PDE11A: variants seen among roughly 807,000 people sequenced by gnomAD.
The protein encoded by PDE11A is phosphodiesterase 11A, also known as dual 3',5'-cyclic-AMP and -GMP phosphodiesterase 11A.
In PDE11A, 100 loss-of-function variants were observed where a neutral mutation model predicts 100.5. That is an observed-to-expected ratio of 1.00 (90% CI 0.85 to 1.18). The LOEUF is 1.18. PDE11A is among the 50% of genes most tolerant of loss of function. The probability of loss-of-function intolerance (pLI) is 0.00; values close to 1 mark genes in which losing one functional copy is unlikely to be tolerated. For missense variants in PDE11A, 1,141 were observed against 1,152.6 expected (o/e 0.99, Z 0.15); for synonymous variants, 381 against 420.8 (o/e 0.91, Z 1.16).
intron 2 of PDE11A, among the ~76,000 whole-genome samples, chr2:177,927,768 A>T (rs1245052004): frequency 6.6e-6 from 1 of 152,212 alleles, no homozygotes; most frequent in East Asian, 1.9e-4. Flanking sequence ...ATTATTTAAA[A>T]TACAATAATG....
chr2:177,665,309 CAAA>C (rs9288007), intron 18 of PDE11A, among the ~76,000 whole-genome samples: 71,085 of 112,278 alleles, frequency 0.63, 21,665 homozygotes, highest in Admixed American at 0.71. Context: ...CCTGTCCCTA[CAAA>C]AAAAAAAAAA....
chr2:177,654,596 C>G (rs1164072990), intron 19 of PDE11A, among the ~76,000 whole-genome samples: 1 of 151,870 alleles, frequency 6.6e-6, no homozygotes, highest in Non-Finnish European at 1.5e-5. Context: ...TATGTTGTGA[C>G]CAAAGCAGAA....
intron 2 of PDE11A, among the ~76,000 whole-genome samples, chr2:177,908,154 T>C (rs1207305983): frequency 6.6e-6 from 1 of 152,202 alleles, no homozygotes; most frequent in African/African-American, 2.4e-5. Flanking sequence ...GTCATACATA[T>C]CTTTCATACA....
chr2:177,839,922 G>C (rs2083462186), intron 6 of PDE11A, among the ~76,000 whole-genome samples: 1 of 152,024 alleles, frequency 6.6e-6, no homozygotes, highest in South Asian at 2.1e-4. Context: ...CTGTTTCTTG[G>C]GAGCAATTTT....
At chr2:178,071,466 C>T (rs1229331257) in intron 1 of PDE11A, 60 bp downstream of exon 1, 11 of 1,608,392 alleles carry the variant, frequency 6.8e-6, no homozygotes, top group Non-Finnish European at 9.4e-6. Context: ...AGATGATAAC[C>T]GAAGGCTTAT....
chr2:177,666,795 T>TG (rs368939909), intron 18 of PDE11A, among the ~76,000 whole-genome samples: 2 of 152,114 alleles, frequency 1.3e-5, no homozygotes, highest in African/African-American at 4.8e-5. Context: ...TCCAGATACT[T>TG]GGCCCATAAA....
chr2:178,094,143 T>G (rs535797136), intron 2 of PDE11A, among the ~76,000 whole-genome samples: 35 of 152,016 alleles, frequency 2.3e-4, no homozygotes, highest in African/African-American at 8.0e-4. Context: ...CACAAGAAAG[T>G]ACTGAAAATA....
intron 4 of PDE11A, among the ~76,000 whole-genome samples, chr2:177,895,304 G>A (rs1251053309): frequency 6.6e-6 from 1 of 152,094 alleles, no homozygotes; most frequent in African/African-American, 2.4e-5. Context: ...TGCAATACTA[G>A]TACTTTGGGA....
At chr2:177,776,619 A>G (rs994409643) in intron 9 of PDE11A, among the ~76,000 whole-genome samples, 1 of 152,186 alleles carries the variant, frequency 6.6e-6, no homozygotes, top group South Asian at 2.1e-4. Context: ...GGGCCTTTGA[A>G]GAGGTACTTA....
chr2:178,098,921 G>A (rs13421035), intron 2 of PDE11A, among the ~76,000 whole-genome samples: 2,337 of 152,166 alleles, frequency 0.015, 56 homozygotes, highest in African/African-American at 0.053. Flanking sequence ...CTCATGATAC[G>A]ATTTCTTTAA....
intron 19 of PDE11A, among the ~76,000 whole-genome samples, chr2:177,659,266 GGA>G (rs1559130151): frequency 4.7e-4 from 7 of 14,888 alleles, no homozygotes; most frequent in Non-Finnish European, 7.5e-4. Context: ...TATCTCAGGG[GGA>G]AAAAAAAAAA....
At chr2:177,691,160 A>G (rs185158330) in intron 15 of PDE11A, among the ~76,000 whole-genome samples, 3 of 152,296 alleles carry the variant, frequency 2.0e-5, no homozygotes, top group East Asian at 3.9e-4. Flanking sequence ...AGGATGAGAT[A>G]TAGCGTTATG....
intron 4 of PDE11A, among the ~76,000 whole-genome samples, chr2:177,883,606 T>A (rs1265009848): frequency 6.6e-6 from 1 of 152,058 alleles, no homozygotes; most frequent in Non-Finnish European, 1.5e-5. Context: ...GGCTGACAAG[T>A]GGGGGAAGTT....
At chr2:177,712,900 T>A (rs550240362) in intron 12 of PDE11A, among the ~76,000 whole-genome samples, 1 of 152,326 alleles carries the variant, frequency 6.6e-6, no homozygotes, top group East Asian at 1.9e-4. Flanking sequence ...AAATCTAGGA[T>A]CACTGGCCCA....
At chr2:177,853,842 A>G (rs959040615) in intron 5 of PDE11A, among the ~76,000 whole-genome samples, 2 of 143,838 alleles carry the variant, frequency 1.4e-5, no homozygotes, top group Non-Finnish European at 3.0e-5. Context: ...ATATATATCT[A>G]TATATGTGTA....
At chr2:177,868,564 A>G (rs2084069735) in intron 5 of PDE11A, among the ~76,000 whole-genome samples, 1 of 152,250 alleles carries the variant, frequency 6.6e-6, no homozygotes, top group Non-Finnish European at 1.5e-5. Context: ...AAAACTATAC[A>G]AGTTGATTAT....
intron 19 of PDE11A, among the ~76,000 whole-genome samples, chr2:177,635,640 G>A (rs1048760091): frequency 6.6e-6 from 1 of 152,092 alleles, no homozygotes; most frequent in Non-Finnish European, 1.5e-5. Context: ...TAAAATCTCC[G>A]TTCTACTATT....
intron 1 of PDE11A, among the ~76,000 whole-genome samples, chr2:178,022,642 A>G (rs1173306455): frequency 6.6e-6 from 1 of 152,154 alleles, no homozygotes; most frequent in Non-Finnish European, 1.5e-5. Context: ...AGGAAACAGG[A>G]CTAGTAAGAA....
At chr2:177,834,089 C>T (rs2083352901) in intron 6 of PDE11A, among the ~76,000 whole-genome samples, 1 of 152,200 alleles carries the variant, frequency 6.6e-6, no homozygotes, top group Admixed American at 6.5e-5. Flanking sequence ...CCTCTCTTTG[C>T]TGAGAGGTTT....
Sources: allele counts gnomAD v4.1 joint callset (sites outside exome capture counted in the v4.1 genomes callset), GRCh38; gene constraint gnomAD v4.1.1; transcripts MANE v1.5; gene names NCBI Gene and HGNC (gene_info 2026-07-23, HGNC 2026-07-21).